Variants in AKAP1 observed in about 807,000 individuals in gnomAD.
AKAP1 encodes A-kinase anchor protein 1, mitochondrial.
In AKAP1, 32 loss-of-function variants were observed where a neutral mutation model predicts 79.8. The ratio of observed to expected loss-of-function variants is 0.40; its 90% CI spans 0.30 to 0.54. AKAP1 has a LOEUF of 0.54. AKAP1 is among the 20% of genes least tolerant of loss of function. The pLI, the probability that AKAP1 is intolerant of heterozygous loss-of-function variation, is 0.47. For synonymous variants in AKAP1, 416 were observed against 466.7 expected (o/e 0.89, Z 1.40); for missense variants, 961 against 1,138.9 (o/e 0.84, Z 2.25).
At chr17:57,089,952 A>T (rs1225149846) in intron 1 of AKAP1, among the ~76,000 whole-genome samples, 1 of 152,222 alleles carries the variant, frequency 6.6e-6, no homozygotes, top group Non-Finnish European at 1.5e-5. Context: ...CAAATGTCAG[A>T]TGTCAACATA....
At chr17:57,093,563 GC>G (rs1291388877) in intron 1 of AKAP1, 2 of 152,118 alleles carry the variant, frequency 1.3e-5, no homozygotes, top group African/African-American at 4.8e-5. Context: ...GGAAAATAAG[GC>G]CTTACAAGTT....
At chr17:57,109,945 T>G in intron 2 of AKAP1, 80 bp from the exon 3 acceptor site, 763 of 1,545,058 alleles carry the variant, frequency 4.9e-4, no homozygotes, top group Non-Finnish European at 6.0e-4. Context: ...CCTGGGAATG[T>G]GAGTTTGGGA....
intron 1 of AKAP1, among the ~76,000 whole-genome samples, chr17:57,091,399 C>T (rs1000923572): frequency 2.0e-5 from 3 of 151,472 alleles, no homozygotes; most frequent in African/African-American, 7.4e-5. Context: ...TCTGCTGCCA[C>T]CGCCTCGTCA....
intron 1 of AKAP1, among the ~76,000 whole-genome samples, chr17:57,103,057 C>T (rs894947493): frequency 3.9e-5 from 6 of 152,060 alleles, no homozygotes; most frequent in African/African-American, 7.2e-5. Flanking sequence ...CCAGCCTGGA[C>T]GACAGCGAGA....
intron 10 of AKAP1, among the ~76,000 whole-genome samples, chr17:57,119,560 C>T (rs1007881649): frequency 2.6e-5 from 4 of 151,808 alleles, no homozygotes; most frequent in Admixed American, 6.6e-5. Context: ...ACTAAAAATG[C>T]AAAAATCTGC....
In AKAP1 at chr17:57,120,606, A is replaced by G. The variant is rs925848105; in HGVS notation, c.*282A>G. ...AAAAAAAGGAATAGAAACAGTTTCA[A>G]CCAGATTGTCCTATTCCCCCTGTTC... On this transcript the variant is annotated 3_prime_UTR_variant, in exon 11 of 11. Coordinates refer to ENST00000337714, the MANE Select transcript of AKAP1 (RefSeq NM_003488.4). 1 of 320,338 alleles carries G rather than the reference A, an allele frequency of 3.1e-6. No homozygotes were observed. The highest frequency in any genetic ancestry group is 5.7e-6 in the Non-Finnish European group (1 of 174,524). 19.8% of individuals were successfully genotyped at this position (320,338 alleles called of 1,614,324 possible).
chr17:57,116,312 G>A (rs541957436), intron 7 of AKAP1, 51 bp downstream of exon 7: 13 of 1,607,704 alleles, frequency 8.1e-6, no homozygotes, highest in South Asian at 4.4e-5. Context: ...TCTGGGATGC[G>A]TGATCTCTGC....
chr17:57,107,282 A>G, intron 2 of AKAP1, 104 bp downstream of exon 2: 1 of 1,475,480 alleles, frequency 6.8e-7, no homozygotes, highest in African/African-American at 1.4e-5. Flanking sequence ...CAGCAAAGTC[A>G]TAGTGCTCTT....
At chr17:57,118,831 G>C in intron 9 of AKAP1, 151 bp from the exon 10 acceptor site, 2 of 820,594 alleles carry the variant, frequency 2.4e-6, no homozygotes, top group Non-Finnish European at 4.0e-6. Context: ...ACTATGACGA[G>C]AACAGCATGG....
intron 1 of AKAP1, among the ~76,000 whole-genome samples, chr17:57,101,126 T>C (rs1244050227): frequency 6.6e-6 from 1 of 152,204 alleles, no homozygotes; most frequent in African/African-American, 2.4e-5. Context: ...TGAAAGACAA[T>C]TGAACACAAA....
chr17:57,112,449 C>G lies in AKAP1; in HGVS notation c.1976-42C>G, dbSNP rs557747019. 32 of 1,599,472 alleles carry G rather than the reference C, an allele frequency of 2.0e-5. No individual in the cohort carries two copies. In the South Asian group the frequency reaches 3.3e-4, roughly 16 times the overall value. On this transcript the variant is annotated intron_variant, in intron 4 of 10. Coordinates refer to ENST00000337714, the MANE Select transcript of AKAP1 (RefSeq NM_003488.4). ...TTTTGTGAGTGTGGGTGTGAGTTTC[C>G]TCTTACAGTGATTGTATGTCCTGCC...
intron 1 of AKAP1, chr17:57,101,729 A>G (rs1197630483): frequency 6.6e-6 from 1 of 152,186 alleles, no homozygotes; most frequent in African/African-American, 2.4e-5. Flanking sequence ...CTTTATCTGT[A>G]GGTAAGAAAT....
intron 1 of AKAP1, among the ~76,000 whole-genome samples, chr17:57,090,401 G>A (rs1490509973): frequency 6.6e-6 from 1 of 151,962 alleles, no homozygotes; most frequent in South Asian, 2.1e-4. Context: ...AACAAGATCC[G>A]AGTAGAGTAA....
Position 57,120,556 on chromosome 17 carries a change from G to T in AKAP1, c.*232G>T. On this transcript the variant is annotated 3_prime_UTR_variant, in exon 11 of 11. Transcript: ENST00000337714. ...TTTAACAAGCCAGCTGGCTTATGCTGGTTCTCAGCTGTTTAAAAAAAAAAA... is the reference window on the plus strand; with the variant it reads ...TTTAACAAGCCAGCTGGCTTATGCTTGTTCTCAGCTGTTTAAAAAAAAAAA... 5.8e-6 allele frequency: 2 copies of T among 347,294 alleles called. No homozygotes were observed. Among genetic ancestry groups the T allele is most frequent in the South Asian group, 1.1e-4 (1 of 8,750 alleles). 21.5% of individuals were successfully genotyped at this position (347,294 alleles called of 1,614,324 possible).
At chr17:57,094,285 CTT>C (rs1432301513) in intron 1 of AKAP1, 1 of 152,346 alleles carries the variant, frequency 6.6e-6, no homozygotes, top group African/African-American at 2.4e-5. Context: ...CTCCCCTTCT[CTT>C]GTCTCGTTTC....
intron 1 of AKAP1, 72 bp from the exon 2 acceptor site, chr17:57,105,369 C>T: frequency 7.0e-7 from 1 of 1,422,180 alleles, no homozygotes; most frequent in Non-Finnish European, 9.8e-7. Flanking sequence ...GACTGTCTTG[C>T]ATGTGCGGTT....
At chr17:57,090,451 C>A (rs1913715600) in intron 1 of AKAP1, among the ~76,000 whole-genome samples, 1 of 151,758 alleles carries the variant, frequency 6.6e-6, no homozygotes, top group Non-Finnish European at 1.5e-5. Context: ...CTGGCTTGGA[C>A]CTGGGCTGGG....
chr17:57,117,301 G>GGTGT, intron 8 of AKAP1, among the ~76,000 whole-genome samples: 1 of 152,326 alleles, frequency 6.6e-6, no homozygotes. Flanking sequence ...GCACAGTGGG[G>GGTGT]ACACCCTATC....
intron 1 of AKAP1, among the ~76,000 whole-genome samples, chr17:57,100,139 A>AC (rs1267325067): frequency 8.6e-5 from 13 of 152,014 alleles, no homozygotes; most frequent in Non-Finnish European, 1.9e-4. Flanking sequence ...AATAAGGAGA[A>AC]CTAGCCCCCG....
Sources: allele counts gnomAD v4.1 joint callset (sites outside exome capture counted in the v4.1 genomes callset), GRCh38; gene constraint gnomAD v4.1.1; transcripts MANE v1.5; gene names NCBI Gene and HGNC (gene_info 2026-07-23, HGNC 2026-07-21).